Variants in TAOK3 observed in about 807,000 individuals in gnomAD.
TAOK3 encodes TAO kinase 3.
A neutral mutation model predicts 120.4 loss-of-function variants in TAOK3; 40 were observed. The observed-to-expected ratio is 0.33, with a 90% CI of 0.26 to 0.43. The LOEUF is 0.43. Ranked by LOEUF, TAOK3 falls within the 20% of genes least tolerant of loss-of-function variation. The pLI, the probability that TAOK3 is intolerant of heterozygous loss-of-function variation, is 1.00. For missense variants in TAOK3, 821 were observed against 1,112.1 expected (o/e 0.74, Z 3.72); for synonymous variants, 355 against 387.5 (o/e 0.92, Z 0.99).
At position 118,372,125 on chromosome 12, in the gene TAOK3, G is replaced by A. The variant is rs865881537; in HGVS notation, c.-194+523C>T. Among the ~76,000 whole-genome samples, 3 of 151,088 alleles carry A rather than the reference G, an allele frequency of 2.0e-5. No homozygotes were observed. Among genetic ancestry groups the A allele is most frequent in the Admixed American group, 2.0e-4 (3 of 15,212 alleles). ...CTGACCGGTCCCCTCTCTTTACTCT[G>A]TCCTGGATTCTCTCTGGGTCCCCTC... On this transcript the variant is annotated intron_variant, in intron 1 of 20. Coordinates refer to ENST00000392533, the MANE Select transcript of TAOK3 (RefSeq NM_016281.4). The surrounding 1 kb of genome is among the most constrained non-coding windows in gnomAD (Gnocchi z 4.6).
intron 1 of TAOK3, among the ~76,000 whole-genome samples, chr12:118,341,502 T>G (rs1276019913): frequency 6.6e-6 from 1 of 152,116 alleles, no homozygotes; most frequent in Non-Finnish European, 1.5e-5. Flanking sequence ...ACTTAGAAGT[T>G]TTAATAAATA....
intron 1 of TAOK3, among the ~76,000 whole-genome samples, chr12:118,295,861 A>G (rs929607360): frequency 1.3e-5 from 2 of 152,224 alleles, no homozygotes; most frequent in African/African-American, 4.8e-5. Flanking sequence ...CATTCTGAGT[A>G]AAACATTGCA....
At chr12:118,323,155 G>C (rs972043833) in intron 1 of TAOK3, among the ~76,000 whole-genome samples, 2 of 152,130 alleles carry the variant, frequency 1.3e-5, no homozygotes, top group Non-Finnish European at 2.9e-5. Flanking sequence ...AAGAAAAAAA[G>C]TGTCATGAAG....
intron 10 of TAOK3, among the ~76,000 whole-genome samples, chr12:118,213,762 T>C (rs960495199): frequency 7.2e-5 from 11 of 152,136 alleles, no homozygotes; most frequent in African/African-American, 1.4e-4. Context: ...TAGCAGGGCA[T>C]GTTCCCTGCA....
At chr12:118,227,545 C>G (rs2039567569) in intron 9 of TAOK3, among the ~76,000 whole-genome samples, 1 of 152,046 alleles carries the variant, frequency 6.6e-6, no homozygotes, top group Non-Finnish European at 1.5e-5. Context: ...TGAGCACTTG[C>G]TATATGCCAG....
chr12:118,277,181 A>T (rs404566), intron 1 of TAOK3, among the ~76,000 whole-genome samples: 94,951 of 152,074 alleles, frequency 0.62, 30,298 homozygotes, highest in African/African-American at 0.76. Context: ...GTTTCTTATT[A>T]TTCAGTATGG....
At chr12:118,362,691 A>T (rs2045634583) in intron 1 of TAOK3, among the ~76,000 whole-genome samples, 1 of 152,190 alleles carries the variant, frequency 6.6e-6, no homozygotes, top group Non-Finnish European at 1.5e-5. Flanking sequence ...TGAAAATGAC[A>T]ATCTTATTTC....
At chr12:118,196,153 G>A (rs1296941413) in intron 13 of TAOK3, among the ~76,000 whole-genome samples, 2 of 152,116 alleles carry the variant, frequency 1.3e-5, no homozygotes, top group African/African-American at 4.8e-5. Context: ...GTAGAGGCAA[G>A]GACTGGAGAG....
At chr12:118,198,937 G>C in intron 13 of TAOK3, 114 bp downstream of exon 13, 1 of 1,089,798 alleles carries the variant, frequency 9.2e-7, no homozygotes, top group Non-Finnish European at 1.4e-6. Flanking sequence ...GCCAGGTTTA[G>C]TACCACACTG....
At chr12:118,301,813 G>C (rs1360934929) in intron 1 of TAOK3, among the ~76,000 whole-genome samples, 1 of 140,018 alleles carries the variant, frequency 7.1e-6, no homozygotes, top group African/African-American at 2.7e-5. Flanking sequence ...CTGCACTCCA[G>C]CCTGGGCAAC....
rs1334267725 is a variant in TAOK3, at chr12:118,150,013, G to C, written c.*984C>G. The C allele has an allele frequency of 2.0e-5, 3 of 152,000 alleles. No individual in the cohort carries two copies. Among genetic ancestry groups the C allele is most frequent in the African/African-American group, 7.3e-5 (3 of 41,300 alleles). 9.4% of individuals were successfully genotyped at this position (152,000 alleles called of 1,614,324 possible). On this transcript the variant is annotated 3_prime_UTR_variant, in exon 21 of 21. Coordinates refer to ENST00000392533, the MANE Select transcript of TAOK3 (RefSeq NM_016281.4). ...ATGACCAAGAAATGGGACTTAGGAA[G>C]GGGAAGGGAGATAAAGAAAAAGATC...
intron 1 of TAOK3, among the ~76,000 whole-genome samples, chr12:118,325,012 C>T (rs989592908): frequency 6.6e-6 from 1 of 152,106 alleles, no homozygotes; most frequent in African/African-American, 2.4e-5. Flanking sequence ...TCCCAAAGTG[C>T]TGGGATTACA....
At chr12:118,345,821 A>C (rs569560656) in intron 1 of TAOK3, among the ~76,000 whole-genome samples, 1 of 152,322 alleles carries the variant, frequency 6.6e-6, no homozygotes, top group East Asian at 1.9e-4. Flanking sequence ...GGAGCGACTT[A>C]GAACACTTTG....
At chr12:118,175,774 T>C (rs1478066405) in intron 16 of TAOK3, among the ~76,000 whole-genome samples, 1 of 152,206 alleles carries the variant, frequency 6.6e-6, no homozygotes, top group Non-Finnish European at 1.5e-5. Context: ...GAAAAGTCCA[T>C]GGAGCTGCAG....
At chr12:118,281,600 C>G (rs948293221) in intron 1 of TAOK3, among the ~76,000 whole-genome samples, 6 of 152,056 alleles carry the variant, frequency 3.9e-5, no homozygotes, top group African/African-American at 1.4e-4. Context: ...GCCTGGCCAA[C>G]ATGGCGAAAC....
At chr12:118,246,087 G>C in intron 3 of TAOK3, 1 of 1,092,412 alleles carries the variant, frequency 9.2e-7, no homozygotes, top group Non-Finnish European at 1.3e-6. Flanking sequence ...ACAACAAATG[G>C]CGGATGACGC....
chr12:118,369,914 C>G (rs1033086076), intron 1 of TAOK3, among the ~76,000 whole-genome samples: 3 of 152,036 alleles, frequency 2.0e-5, no homozygotes, highest in African/African-American at 7.3e-5. Flanking sequence ...CCTGCTCTGT[C>G]GCCAGGCTGG....
intron 3 of TAOK3, among the ~76,000 whole-genome samples, chr12:118,250,643 T>G (rs2040709713): frequency 6.6e-6 from 1 of 152,186 alleles, no homozygotes; most frequent in Non-Finnish European, 1.5e-5. Context: ...TTGGGCTAAG[T>G]GCTAGGGATA....
chr12:118,238,018 C>G, intron 7 of TAOK3, 55 bp downstream of exon 7: 1 of 1,211,486 alleles, frequency 8.3e-7, no homozygotes, highest in Non-Finnish European at 1.2e-6. Context: ...TTTCAAGGTT[C>G]CTGGAATAGA....
Sources: allele counts gnomAD v4.1 joint callset (sites outside exome capture counted in the v4.1 genomes callset), GRCh38; gene constraint gnomAD v4.1.1; non-coding constraint Gnocchi (gnomAD v3.1); transcripts MANE v1.5; gene names NCBI Gene and HGNC (gene_info 2026-07-23, HGNC 2026-07-21).